SMURF2: variants seen among roughly 807,000 people sequenced by gnomAD.
The protein encoded by SMURF2 is SMAD specific E3 ubiquitin protein ligase 2.
Under a neutral mutation model 109.6 loss-of-function variants are expected in SMURF2, and 48 were observed. The observed-to-expected ratio is 0.44, with a 90% CI of 0.35 to 0.56. The LOEUF is 0.56. SMURF2 is among the 20% of genes least tolerant of loss of function. The pLI is 0.01. For synonymous variants in SMURF2, 288 were observed against 317.1 expected (o/e 0.91, Z 0.97); for missense variants, 575 against 909.0 (o/e 0.63, Z 4.72).
chr17:64,591,028 TA>T (rs1298615280), intron 5 of SMURF2, 55 bp downstream of exon 5: 1 of 1,291,662 alleles, frequency 7.7e-7, no homozygotes, highest in Non-Finnish European at 1.1e-6. Context: ...AAAGGTATTT[TA>T]CACTTTAGGT....
At chr17:64,655,506 C>T (rs922785212) in intron 1 of SMURF2, among the ~76,000 whole-genome samples, 1 of 151,794 alleles carries the variant, frequency 6.6e-6, no homozygotes, top group Admixed American at 6.6e-5. Context: ...GATCCACCAT[C>T]CTCAGCCTCC....
intron 9 of SMURF2, among the ~76,000 whole-genome samples, chr17:64,576,446 C>T (rs1555686058): frequency 6.6e-6 from 1 of 151,912 alleles, no homozygotes; most frequent in Admixed American, 6.6e-5. Context: ...AGCAAATCAC[C>T]TGAGGTCAGG....
intron 2 of SMURF2, among the ~76,000 whole-genome samples, chr17:64,601,956 C>T (rs564146510): frequency 5.4e-5 from 8 of 149,080 alleles, no homozygotes; most frequent in Non-Finnish European, 1.2e-4. Context: ...CCTACATATA[C>T]ACACACACAC....
At chr17:64,546,454 G>A (rs1452690995) in intron 17 of SMURF2, 116 bp from the exon 18 acceptor site, 1 of 808,068 alleles carries the variant, frequency 1.2e-6, no homozygotes, top group Non-Finnish European at 2.0e-6. Flanking sequence ...GAATGCTAAT[G>A]AATCCACACA....
In SMURF2 at chr17:64,591,069, A is replaced by C. The variant is rs561255712; in HGVS notation, c.400+15T>G. The C allele has an allele frequency of 6.2e-7, 1 of 1,604,164 alleles. No homozygotes were observed. The highest frequency in any genetic ancestry group is 1.1e-5 in the South Asian group (1 of 89,748). ...TTGAAACCAAAATTCATGTAACTTT[A>C]AATTCCACACTTACCTACTATCTGT... On this transcript the variant is annotated intron_variant, in intron 5 of 18. Coordinates refer to ENST00000262435, the MANE Select transcript of SMURF2 (RefSeq NM_022739.4).
At chr17:64,588,305 C>T (rs1434794601) in intron 5 of SMURF2, among the ~76,000 whole-genome samples, 1 of 151,902 alleles carries the variant, frequency 6.6e-6, no homozygotes, top group Non-Finnish European at 1.5e-5. Context: ...AGTTTGTACT[C>T]CTTGAATCAA....
chr17:64,573,407 G>A (rs1295399461), intron 9 of SMURF2, among the ~76,000 whole-genome samples: 1 of 152,078 alleles, frequency 6.6e-6, no homozygotes, highest in Non-Finnish European at 1.5e-5. Flanking sequence ...TTTTTCCTGA[G>A]ATGACTTCTC....
At chr17:64,622,686 T>C (rs868958726) in intron 1 of SMURF2, among the ~76,000 whole-genome samples, 28 of 152,200 alleles carry the variant, frequency 1.8e-4, no homozygotes, top group Non-Finnish European at 2.6e-4. Flanking sequence ...ACTATCAACA[T>C]GATTTATCAC....
chr17:64,612,097 T>C (rs1432499982), intron 1 of SMURF2, among the ~76,000 whole-genome samples: 1 of 148,648 alleles, frequency 6.7e-6, no homozygotes, highest in Admixed American at 6.8e-5. Flanking sequence ...GCTTGTATTT[T>C]CACAGAAGCT....
chr17:64,572,383 C>T (rs1484783336), intron 9 of SMURF2, among the ~76,000 whole-genome samples: 1 of 152,118 alleles, frequency 6.6e-6, no homozygotes, highest in African/African-American at 2.4e-5. Flanking sequence ...AATGTCCATT[C>T]CATAATTTTA....
At position 64,544,621 on chromosome 17, in the gene SMURF2, G is replaced by A. The variant is rs1356254169; in HGVS notation, c.*1227C>T. On this transcript the variant is annotated 3_prime_UTR_variant, in exon 19 of 19. Transcript: ENST00000262435. ...ATCAGATGCAGATCTTCAACACCAAGGGAAGCGGGATTCCCTTACTTCCAA... is the reference window on the plus strand; with the variant it reads ...ATCAGATGCAGATCTTCAACACCAAAGGAAGCGGGATTCCCTTACTTCCAA... The A allele has an allele frequency of 1.3e-5, 2 of 152,068 alleles. No individual in the cohort carries two copies. The highest frequency in any genetic ancestry group is 2.1e-4 in the South Asian group (1 of 4,826). 9.4% of individuals were successfully genotyped at this position (152,068 alleles called of 1,614,324 possible).
intron 1 of SMURF2, among the ~76,000 whole-genome samples, chr17:64,639,626 C>T (rs1970468321): frequency 6.6e-6 from 1 of 152,044 alleles, no homozygotes; most frequent in Non-Finnish European, 1.5e-5. Context: ...ATAATAGCAA[C>T]TGGATATCAT....
chr17:64,599,824 A>G (rs1397726405), intron 2 of SMURF2, among the ~76,000 whole-genome samples: 1 of 152,218 alleles, frequency 6.6e-6, no homozygotes, highest in Non-Finnish European at 1.5e-5. Flanking sequence ...TTTAAAGGGC[A>G]TACAGGAGAA....
At chr17:64,595,183 C>G (rs1327797860) in intron 3 of SMURF2, among the ~76,000 whole-genome samples, 15 of 152,052 alleles carry the variant, frequency 9.9e-5, no homozygotes, top group African/African-American at 3.1e-4. Flanking sequence ...TTGGGAAGCT[C>G]TACATTAAAT....
At chr17:64,568,552 C>A (rs151265730) in intron 10 of SMURF2, among the ~76,000 whole-genome samples, 12 of 152,144 alleles carry the variant, frequency 7.9e-5, no homozygotes, top group Non-Finnish European at 1.5e-4. Context: ...ATGGGATACA[C>A]GTCTTCTTAA....
At chr17:64,626,662 C>G (rs1192905330) in intron 1 of SMURF2, among the ~76,000 whole-genome samples, 3 of 151,990 alleles carry the variant, frequency 2.0e-5, no homozygotes, top group Non-Finnish European at 4.4e-5. Context: ...ACTCAGGAGG[C>G]TGAGGCAAGG....
intron 5 of SMURF2, among the ~76,000 whole-genome samples, chr17:64,588,678 G>C (rs1969705153): frequency 1.3e-5 from 2 of 151,806 alleles, no homozygotes; most frequent in African/African-American, 2.4e-5. Context: ...GGAGTGCAGT[G>C]GTGAGATCTT....
At chr17:64,619,117 ACTGG>A (rs1970163541) in intron 1 of SMURF2, among the ~76,000 whole-genome samples, 1 of 152,142 alleles carries the variant, frequency 6.6e-6, no homozygotes, top group African/African-American at 2.4e-5. Context: ...CTCAATAAAC[ACTGG>A]CTATTATTAT....
chr17:64,551,368 AAGAG>A (rs113423709), intron 16 of SMURF2, among the ~76,000 whole-genome samples: 266 of 152,064 alleles, frequency 1.7e-3, no homozygotes, highest in Non-Finnish European at 1.5e-3. Flanking sequence ...GAAAAAAAAA[AAGAG>A]AGAGAGAGAC....
Sources: gnomAD v4.1 joint callset for allele counts (sites outside exome capture counted in the v4.1 genomes callset) on GRCh38, gnomAD v4.1.1 for gene constraint, MANE v1.5 for transcripts, NCBI Gene and HGNC (gene_info 2026-07-23, HGNC 2026-07-21) for gene names.